The following CCDC57 variants were observed in gnomAD, a reference collection of about 807,000 sequenced individuals.
CCDC57 encodes coiled-coil domain containing 57.
CCDC57 carries 118 observed loss-of-function variants against 118.9 expected under a neutral mutation model. The observed-to-expected ratio is 0.99, with a 90% CI of 0.86 to 1.16. The LOEUF (loss-of-function observed/expected upper bound fraction) is 1.16. Ranked by LOEUF, CCDC57 falls within the 50% of genes most tolerant of loss-of-function variation. The pLI is 0.00. For synonymous variants in CCDC57, 527 were observed against 532.9 expected, an observed-to-expected ratio of 0.99 and a Z score of 0.15; for missense variants, 1,300 against 1,320.7, an observed-to-expected ratio of 0.98 and a Z score of 0.24.
At chr17:82,209,467 A>T (rs1420091544) in intron 1 of CCDC57, among the ~76,000 whole-genome samples, 1 of 152,172 alleles carries the variant, frequency 6.6e-6, no homozygotes, top group East Asian at 1.9e-4. Flanking sequence ...ACTTGTAATA[A>T]ACTCACAGGT....
At chr17:82,165,779 G>A (rs2043918408) in intron 13 of CCDC57, among the ~76,000 whole-genome samples, 1 of 152,184 alleles carries the variant, frequency 6.6e-6, no homozygotes, top group African/African-American at 2.4e-5. Flanking sequence ...ACACTGCCCA[G>A]GATTTAACTG....
chr17:82,135,975 AC>A (rs2039103709), intron 16 of CCDC57, among the ~76,000 whole-genome samples: 1 of 152,212 alleles, frequency 6.6e-6, no homozygotes, highest in Non-Finnish European at 1.5e-5. Context: ...ATTAAAAAAA[AC>A]CCCGACAGAA....
chr17:82,184,496 G>A (rs1002538540), intron 8 of CCDC57, among the ~76,000 whole-genome samples: 2 of 152,214 alleles, frequency 1.3e-5, no homozygotes, highest in African/African-American at 4.8e-5. Context: ...GAAAATGTTC[G>A]GGACAATATC....
chr17:82,123,661 T>C (rs570112584), intron 19 of CCDC57, among the ~76,000 whole-genome samples: 1 of 152,248 alleles, frequency 6.6e-6, no homozygotes, highest in African/African-American at 2.4e-5. Flanking sequence ...GTTAACATCA[T>C]AGTAATTTAA....
At chr17:82,181,922 A>G (rs2046256944) in intron 9 of CCDC57, among the ~76,000 whole-genome samples, 1 of 152,138 alleles carries the variant, frequency 6.6e-6, no homozygotes, top group Admixed American at 6.5e-5. Context: ...GTTCAAGACC[A>G]GCCTGGCCAA....
chr17:82,177,995 G>A (rs2045744444), intron 11 of CCDC57, among the ~76,000 whole-genome samples: 1 of 152,202 alleles, frequency 6.6e-6, no homozygotes, highest in Admixed American at 6.5e-5. Context: ...TGACAGCTCA[G>A]ACAAGCTCCT....
intron 11 of CCDC57, among the ~76,000 whole-genome samples, chr17:82,177,100 C>T (rs2045617271): frequency 6.6e-6 from 1 of 152,068 alleles, no homozygotes; most frequent in African/African-American, 2.4e-5. Flanking sequence ...ACAAAATTAG[C>T]CGGGCGTGGT....
chr17:82,104,279 G>A (rs1301606013), intron 19 of CCDC57, among the ~76,000 whole-genome samples: 8 of 152,358 alleles, frequency 5.3e-5, no homozygotes, highest in Non-Finnish European at 7.4e-5. Flanking sequence ...ACAGTTTGCC[G>A]GGCACAGCGT....
At chr17:82,194,086 A>T in exon 6 of CCDC57, 2 of 1,613,978 alleles carry the variant, frequency 1.2e-6, no homozygotes, top group Non-Finnish European at 8.5e-7. Context: ...GACTCTCTGC[A>T]GCCTTTGCCC....
At chr17:82,145,275 G>A (rs570871500) in intron 16 of CCDC57, among the ~76,000 whole-genome samples, 29 of 148,750 alleles carry the variant, frequency 1.9e-4, no homozygotes, top group Non-Finnish European at 3.9e-4. Context: ...GTGATCAGGC[G>A]GTGGCTCACA....
intron 15 of CCDC57, among the ~76,000 whole-genome samples, chr17:82,152,665 G>C (rs751320356): frequency 6.6e-6 from 1 of 152,224 alleles, no homozygotes; most frequent in African/African-American, 2.4e-5. Context: ...TACTTCTCCC[G>C]TGCCACTCCT....
At chr17:82,142,605 C>T (rs572068784) in intron 16 of CCDC57, among the ~76,000 whole-genome samples, 1 of 152,248 alleles carries the variant, frequency 6.6e-6, no homozygotes, top group South Asian at 2.1e-4. Context: ...AGCCGCTATG[C>T]CCGGCCTAGC....
Position 82,201,470 on chromosome 17 carries a change from C to T in CCDC57, c.407+68G>A, listed in dbSNP as rs369749151. On this transcript the variant is annotated intron_variant, in intron 3 of 19. Coordinates refer to ENST00000665763, the Ensembl canonical transcript of CCDC57. Reference sequence around the variant, plus strand: ...AGTGGGCAGTGCTCGGGCAGCACAGCGGAGCAGGAGGCATGTGGGGGCCTC... The same window carrying T: ...AGTGGGCAGTGCTCGGGCAGCACAGTGGAGCAGGAGGCATGTGGGGGCCTC... The T allele has an allele frequency of 7.4e-5, 108 of 1,463,150 alleles. 2 individuals carry two copies. In the East Asian group the frequency reaches 7.9e-4, roughly 11 times the overall value. The allele number at this position is 1,463,150 out of a possible 1,614,324, so 90.6% of individuals were successfully genotyped here. A position where few individuals can be genotyped will look rare whatever the true frequency, so the allele number is the denominator to read the frequency against.
chr17:82,168,244 G>A (rs1046417753), intron 13 of CCDC57, among the ~76,000 whole-genome samples: 2 of 152,250 alleles, frequency 1.3e-5, no homozygotes, highest in African/African-American at 2.4e-5. Context: ...ACCCACTACC[G>A]CTCCAGTCAC....
chr17:82,194,996 G>T (rs1483224707), intron 5 of CCDC57, among the ~76,000 whole-genome samples: 1 of 152,266 alleles, frequency 6.6e-6, no homozygotes, highest in Non-Finnish European at 1.5e-5. Context: ...CCCACCACGG[G>T]CAGGTGTCCA....
chr17:82,159,600 C>G (rs2043074228), intron 14 of CCDC57, among the ~76,000 whole-genome samples: 1 of 152,150 alleles, frequency 6.6e-6, no homozygotes, highest in Non-Finnish European at 1.5e-5. Flanking sequence ...CCTCATTTAG[C>G]CCTTCCAGTG....
At chr17:82,209,750 G>A (rs1160825289) in intron 1 of CCDC57, among the ~76,000 whole-genome samples, 1 of 152,146 alleles carries the variant, frequency 6.6e-6, no homozygotes, top group South Asian at 2.1e-4. Flanking sequence ...GCTTCCCAAA[G>A]TGGTGGGACT....
At chr17:82,202,087 T>C in intron 2 of CCDC57, 135 bp from the exon 2 acceptor site, 1 of 901,678 alleles carries the variant, frequency 1.1e-6, no homozygotes, top group East Asian at 2.7e-5. Context: ...TCCCAGCCCT[T>C]TGGGAGGCCG....
intron 19 of CCDC57, 79 bp downstream of exon 18, chr17:82,127,613 C>G: frequency 6.7e-7 from 1 of 1,499,264 alleles, no homozygotes; most frequent in Non-Finnish European, 8.9e-7. Context: ...AGGGTGCTGA[C>G]TCTCCACATG....
Sources: gnomAD v4.1 joint callset for allele counts (sites outside exome capture counted in the v4.1 genomes callset) on GRCh38, gnomAD v4.1.1 for gene constraint, MANE v1.5 for transcripts, NCBI Gene and HGNC (gene_info 2026-07-23, HGNC 2026-07-21) for gene names.